LPP: variants seen among roughly 807,000 people sequenced by gnomAD.
The protein encoded by LPP is lipoma-preferred partner.
LPP carries 38 observed loss-of-function variants against 60.4 expected under a neutral mutation model. The observed-to-expected ratio is 0.63, with a 90% CI of 0.49 to 0.83. LPP has a LOEUF of 0.83. Among genes scored for constraint, LPP ranks in the 40% least tolerant of loss-of-function variants. LPP has a pLI of 0.00. For missense variants in LPP, 902 were observed against 783.6 expected, an observed-to-expected ratio of 1.15 and a Z score of -1.80; for synonymous variants, 328 against 290.8, an observed-to-expected ratio of 1.13 and a Z score of -1.30.
chr3:188,706,717 A>G (rs1865548035), intron 7 of LPP, among the ~76,000 whole-genome samples: 1 of 152,210 alleles, frequency 6.6e-6, no homozygotes, highest in African/African-American at 2.4e-5. Context: ...TGTAGTGAAG[A>G]TAATAGGAGA....
intron 9 of LPP, among the ~76,000 whole-genome samples, chr3:188,837,377 T>C (rs1261359598): frequency 1.4e-5 from 1 of 72,526 alleles, no homozygotes; most frequent in African/African-American, 4.7e-5. Flanking sequence ...AGACTCCATC[T>C]CAAACATAAT....
intron 4 of LPP, among the ~76,000 whole-genome samples, chr3:188,483,740 A>G (rs76465386): frequency 6.6e-6 from 1 of 152,194 alleles, no homozygotes; most frequent in Admixed American, 6.5e-5. Context: ...CCAAAGTCTC[A>G]TTACTTCTTG....
intron 4 of LPP, among the ~76,000 whole-genome samples, chr3:188,481,746 C>T (rs943552044): frequency 3.9e-5 from 6 of 152,136 alleles, no homozygotes; most frequent in Admixed American, 2.0e-4. Context: ...CGATCTCAGA[C>T]CCAGTCACAT....
At chr3:188,602,163 TAA>T (rs1491514102) in intron 6 of LPP, among the ~76,000 whole-genome samples, 2 of 103,518 alleles carry the variant, frequency 1.9e-5, no homozygotes, top group African/African-American at 3.6e-5. Context: ...AATATATATA[TAA>T]TATATATATA....
At chr3:188,203,524 TAA>T (rs1171818092) in intron 1 of LPP, among the ~76,000 whole-genome samples, 11 of 35,018 alleles carry the variant, frequency 3.1e-4, no homozygotes, top group Non-Finnish European at 5.4e-4. Context: ...TAAATATATA[TAA>T]ATATATATTT....
At chr3:188,629,990 G>A (rs747532213) in intron 7 of LPP, among the ~76,000 whole-genome samples, 3 of 151,952 alleles carry the variant, frequency 2.0e-5, no homozygotes, top group Admixed American at 6.6e-5. Flanking sequence ...AGACTTAAAC[G>A]TAAGACCTAA....
chr3:188,429,560 T>G (rs980190431), intron 4 of LPP, among the ~76,000 whole-genome samples: 1 of 152,212 alleles, frequency 6.6e-6, no homozygotes, highest in African/African-American at 2.4e-5. Flanking sequence ...TATTTCCCCA[T>G]GTTTTGGTAA....
At chr3:188,435,348 A>G (rs1792042209) in intron 4 of LPP, among the ~76,000 whole-genome samples, 1 of 152,170 alleles carries the variant, frequency 6.6e-6, no homozygotes, top group South Asian at 2.1e-4. Flanking sequence ...ATTATTTTAT[A>G]GCTGTTTTTT....
At chr3:188,715,140 G>T (rs1238902739) in intron 8 of LPP, among the ~76,000 whole-genome samples, 3 of 152,034 alleles carry the variant, frequency 2.0e-5, no homozygotes, top group Non-Finnish European at 4.4e-5. Context: ...AGCACTTTGG[G>T]AGGCTGAGGT....
At chr3:188,262,925 G>T (rs2149703255) in intron 2 of LPP, among the ~76,000 whole-genome samples, 1 of 152,026 alleles carries the variant, frequency 6.6e-6, no homozygotes, top group Non-Finnish European at 1.5e-5. Flanking sequence ...CTCCTTACTA[G>T]GTCATAGAAA....
At chr3:188,680,194 G>C (rs1361358595) in intron 7 of LPP, among the ~76,000 whole-genome samples, 1 of 151,992 alleles carries the variant, frequency 6.6e-6, no homozygotes, top group Admixed American at 6.6e-5. Context: ...CAACCTTCAT[G>C]AAAACTGGAA....
intron 6 of LPP, among the ~76,000 whole-genome samples, chr3:188,536,482 T>C (rs1365504245): frequency 6.6e-6 from 1 of 152,234 alleles, no homozygotes; most frequent in Non-Finnish European, 1.5e-5. Flanking sequence ...AACCAATTAA[T>C]TGTCTAAATC....
intron 6 of LPP, among the ~76,000 whole-genome samples, chr3:188,588,720 C>T (rs1190454868): frequency 1.3e-5 from 2 of 152,186 alleles, no homozygotes; most frequent in Non-Finnish European, 2.9e-5. Context: ...TTTGTTTGTT[C>T]TCCATACACA....
chr3:188,237,835 G>A (rs954607031), intron 2 of LPP, among the ~76,000 whole-genome samples: 6 of 152,150 alleles, frequency 3.9e-5, no homozygotes, highest in African/African-American at 7.2e-5. Flanking sequence ...TGGTAAATGA[G>A]CATTTGCTTC....
chr3:188,154,152 C>A (rs1430091162), upstream of LPP: 1 of 199,722 alleles, frequency 5.0e-6, no homozygotes, highest in East Asian at 1.6e-4. Context: ...GGGGAGTGCC[C>A]GGGCACCTCC....
chr3:188,583,207 C>T (rs58139992), intron 6 of LPP, among the ~76,000 whole-genome samples: 20,816 of 152,032 alleles, frequency 0.14, 2,473 homozygotes, highest in East Asian at 0.34. Flanking sequence ...GAAATAGGAA[C>T]AGTAATTGAA....
At chr3:188,752,302 A>G (rs2150335709) in intron 8 of LPP, among the ~76,000 whole-genome samples, 1 of 152,292 alleles carries the variant, frequency 6.6e-6, no homozygotes, top group African/African-American at 2.4e-5. Context: ...CTCAACTAAG[A>G]CCACTTATCT....
At chr3:188,863,687 C>G (rs1229003710) in intron 9 of LPP, among the ~76,000 whole-genome samples, 2 of 152,150 alleles carry the variant, frequency 1.3e-5, no homozygotes, top group African/African-American at 2.4e-5. Context: ...ATTCTTGGAA[C>G]CTTTATTTTC....
intron 8 of LPP, among the ~76,000 whole-genome samples, chr3:188,713,996 A>C (rs139196798): frequency 2.0e-5 from 3 of 152,196 alleles, no homozygotes; most frequent in Non-Finnish European, 2.9e-5. Flanking sequence ...ATATTTACCT[A>C]GAGCTCCATA....
Sources: gnomAD v4.1 joint callset for allele counts (sites outside exome capture counted in the v4.1 genomes callset) on GRCh38, gnomAD v4.1.1 for gene constraint, MANE v1.5 for transcripts, NCBI Gene and HGNC (gene_info 2026-07-23, HGNC 2026-07-21) for gene names.